KALRN: variants seen among roughly 807,000 people sequenced by gnomAD.
KALRN encodes the protein kalirin.
In KALRN, 70 loss-of-function variants were observed where a neutral mutation model predicts 353.7. The observed-to-expected ratio is 0.20, with a 90% CI of 0.16 to 0.24. The LOEUF (loss-of-function observed/expected upper bound fraction) is 0.24. Among genes scored for constraint, KALRN ranks in the 10% least tolerant of loss-of-function variants. The pLI is 1.00. For synonymous variants in KALRN, 1,391 were observed against 1,434.8 expected (o/e 0.97, Z 0.69); for missense variants, 2,791 against 3,756.7 (o/e 0.74, Z 6.72).
intron 25 of KALRN, among the ~76,000 whole-genome samples, chr3:124,464,046 T>C (rs2060101730): frequency 6.6e-6 from 1 of 152,194 alleles, no homozygotes; most frequent in Non-Finnish European, 1.5e-5. Flanking sequence ...TCCTCATGCT[T>C]ATCACTGATA....
At chr3:124,583,991 A>C (rs531934525) in intron 34 of KALRN, among the ~76,000 whole-genome samples, 118 of 152,252 alleles carry the variant, frequency 7.8e-4, no homozygotes, top group African/African-American at 2.8e-3. Context: ...AAGACCCGAG[A>C]CCCTGCCTCT....
intron 58 of KALRN, among the ~76,000 whole-genome samples, chr3:124,715,711 C>T (rs2150813787): frequency 6.6e-6 from 1 of 152,340 alleles, no homozygotes; most frequent in Non-Finnish European, 1.5e-5. Flanking sequence ...TCAGCTGTAA[C>T]TGAAAGTCAT....
At chr3:124,658,395 G>A (rs762771882) in intron 41 of KALRN, 36 bp from the exon 42 acceptor site, 3 of 1,495,178 alleles carry the variant, frequency 2.0e-6, no homozygotes, top group Admixed American at 3.3e-5. Context: ...GACACAAGAT[G>A]CCTGACTGTC....
chr3:124,257,648 G>T (rs1198746687), intron 3 of KALRN, among the ~76,000 whole-genome samples: 2 of 152,286 alleles, frequency 1.3e-5, no homozygotes, highest in African/African-American at 2.4e-5. Context: ...ATCACAAAGG[G>T]TGAGAACCTG....
chr3:124,607,683 C>T (rs1289387857), intron 34 of KALRN, among the ~76,000 whole-genome samples: 1 of 152,104 alleles, frequency 6.6e-6, no homozygotes, highest in East Asian at 1.9e-4. Context: ...GTGGCACAAT[C>T]TCGGATCACT....
chr3:124,600,815 T>C (rs58292442), intron 34 of KALRN, among the ~76,000 whole-genome samples: 91 of 152,350 alleles, frequency 6.0e-4, no homozygotes, highest in African/African-American at 2.1e-3. Flanking sequence ...TGAGTGCATG[T>C]GTTTTTCCAA....
At chr3:124,499,753 G>A (rs6785610) in intron 33 of KALRN, among the ~76,000 whole-genome samples, 75,996 of 152,006 alleles carry the variant, frequency 0.5, 19,326 homozygotes, top group Middle Eastern at 0.57. Flanking sequence ...GTCTATTACC[G>A]TCACGTATTA....
chr3:124,719,658 G>T lies in KALRN; in HGVS notation c.*188G>T. ...GCAGTAAAAGTCACCCTAAATCAAG[G>T]GGCTTTTCAGAAGGTCATTCTGAAG... On this transcript the variant is annotated 3_prime_UTR_variant, in exon 60 of 60. Coordinates refer to ENST00000682506, the MANE Select transcript of KALRN (RefSeq NM_001388419.1). This position sits in a 1 kb window ranked among gnomAD's most constrained non-coding sequence, Gnocchi z 5.3. 1.7e-6 allele frequency: 1 copy of T among 587,248 alleles called. No homozygotes were observed. Among genetic ancestry groups the T allele is most frequent in the Admixed American group, 3.1e-5 (1 of 32,460 alleles). The allele number at this position is 587,248 out of a possible 1,614,324, so 36.4% of individuals were successfully genotyped here. A position where few individuals can be genotyped will look rare whatever the true frequency, so the allele number is the denominator to read the frequency against.
chr3:124,603,792 C>A (rs2149477889), intron 34 of KALRN, among the ~76,000 whole-genome samples: 1 of 152,246 alleles, frequency 6.6e-6, no homozygotes, highest in South Asian at 2.1e-4. Flanking sequence ...CTCATTTTGA[C>A]TTTGAACTTG....
At chr3:124,314,123 G>A (rs1325164611) in intron 6 of KALRN, among the ~76,000 whole-genome samples, 1 of 152,000 alleles carries the variant, frequency 6.6e-6, no homozygotes, top group African/African-American at 2.4e-5. Context: ...ATGATAGACT[G>A]GATTAAGAAA....
At chr3:124,590,456 T>TTAAAAA (rs1303621371) in intron 34 of KALRN, among the ~76,000 whole-genome samples, 1 of 152,166 alleles carries the variant, frequency 6.6e-6, no homozygotes, top group Non-Finnish European at 1.5e-5. Context: ...CAAAATAACT[T>TTAAAAA]TAAAAATAAA....
intron 27 of KALRN, among the ~76,000 whole-genome samples, chr3:124,479,858 G>A (rs1045083991): frequency 6.6e-6 from 1 of 151,660 alleles, no homozygotes; most frequent in African/African-American, 2.4e-5. Flanking sequence ...CGAGTAGCTG[G>A]GACTACAGGC....
intron 6 of KALRN, among the ~76,000 whole-genome samples, chr3:124,321,773 A>G (rs571640197): frequency 7.9e-5 from 12 of 152,336 alleles, no homozygotes; most frequent in East Asian, 5.8e-4. Flanking sequence ...GACCAAAATG[A>G]TGGGAGGAAA....
chr3:124,548,105 T>C (rs2069946410), intron 33 of KALRN, among the ~76,000 whole-genome samples: 1 of 152,222 alleles, frequency 6.6e-6, no homozygotes, highest in Admixed American at 6.5e-5. Flanking sequence ...CCTTGTTCAC[T>C]TTCTTTTTTA....
chr3:124,647,184 G>C (rs1269330511), intron 37 of KALRN, among the ~76,000 whole-genome samples: 1 of 152,074 alleles, frequency 6.6e-6, no homozygotes, highest in East Asian at 1.9e-4. Flanking sequence ...TGGCATTACA[G>C]GCGTGAGCCA....
intron 33 of KALRN, among the ~76,000 whole-genome samples, chr3:124,546,259 G>C (rs1439133556): frequency 4.2e-5 from 6 of 142,060 alleles, no homozygotes; most frequent in Non-Finnish European, 6.0e-5. Context: ...TTCAAGACCA[G>C]CTCTGGCAAC....
rs6783850 is a variant in KALRN, at chr3:124,459,550, G to A, written c.3855-2340G>A. ...ATTTTTCTTCTTTGGTTGTTTGGTA[G>A]GGAGTTGTCTACCAACATTTCACTC... On this transcript the variant is annotated intron_variant, in intron 23 of 59. Coordinates refer to ENST00000682506, the MANE Select transcript of KALRN (RefSeq NM_001388419.1). 4.9e-3 allele frequency among the ~76,000 whole-genome samples: 751 copies of A among 152,286 alleles called. 5 individuals carry two copies. The highest frequency in any genetic ancestry group is 0.017 in the African/African-American group (715 of 41,566).
At chr3:124,541,891 A>T (rs1358077101) in intron 33 of KALRN, among the ~76,000 whole-genome samples, 2 of 142,466 alleles carry the variant, frequency 1.4e-5, no homozygotes, top group Non-Finnish European at 3.0e-5. Context: ...GACTCTGTCT[A>T]AAAAAAAAGG....
chr3:124,471,256 TTTATTA>T (rs139584790), intron 25 of KALRN, among the ~76,000 whole-genome samples: 14,524 of 138,720 alleles, frequency 0.1, 875 homozygotes, highest in East Asian at 0.16. Context: ...CCCACAAAGT[TTTATTA>T]TTATTATTAT....
Sources: gnomAD v4.1 joint callset for allele counts (sites outside exome capture counted in the v4.1 genomes callset) on GRCh38, gnomAD v4.1.1 for gene constraint, Gnocchi (gnomAD v3.1) non-coding constraint, MANE v1.5 for transcripts, NCBI Gene and HGNC (gene_info 2026-07-23, HGNC 2026-07-21) for gene names.